Variants in ASTN2 observed in about 807,000 individuals in gnomAD.
The protein encoded by ASTN2 is astrotactin 2.
Under a neutral mutation model 139.8 loss-of-function variants are expected in ASTN2, and 54 were observed. The observed-to-expected ratio is 0.39, with a 90% CI of 0.31 to 0.48. ASTN2 has a LOEUF of 0.48. ASTN2 is among the 20% of genes least tolerant of loss of function. ASTN2 has a pLI of 0.95. For missense variants in ASTN2, 1,565 were observed against 1,725.1 expected (o/e 0.91, Z 1.64); for synonymous variants, 756 against 719.5 (o/e 1.05, Z -0.81).
intron 13 of ASTN2, among the ~76,000 whole-genome samples, chr9:116,765,671 C>G (rs1259824188): frequency 3.3e-5 from 5 of 151,848 alleles, no homozygotes; most frequent in Non-Finnish European, 7.4e-5. Context: ...GAATACTGTA[C>G]AGGCATTAAA....
At position 116,632,128 on chromosome 9, in the gene ASTN2, A is replaced by AAGAGAGAGAGAGAGAG. The variant is rs145360209; in HGVS notation, c.3073-11701_3073-11686dup. The stretch of plus-strand genomic sequence containing the variant: ...ACTGTGTCAAAAGAAAAAGAAAAAG[A>AAGAGAGAGAGAGAGAG]AGAGAGAGAGAGAGAGAGAGAGAGA... On this transcript the variant is annotated intron_variant, in intron 17 of 22. Coordinates refer to ENST00000313400, the MANE Select transcript of ASTN2 (RefSeq NM_001365068.1). Among the ~76,000 whole-genome samples the AAGAGAGAGAGAGAGAG allele has an allele frequency of 2.2e-3, 105 of 47,728 alleles. 1 individual carries two copies. In the East Asian group the frequency reaches 0.025, roughly 11 times the overall value. 31.3% of individuals were successfully genotyped at this position (47,728 alleles called of 152,430 possible).
In ASTN2 at chr9:116,866,761, C is replaced by T. The variant is rs111529918; in HGVS notation, c.1890-3028G>A. Among the ~76,000 whole-genome samples, 298 of 151,998 alleles carry T rather than the reference C, an allele frequency of 2.0e-3. 1 individual carries two copies. Among genetic ancestry groups the T allele is most frequent in the South Asian group, 5.6e-3 (27 of 4,798 alleles). On this transcript the variant is annotated intron_variant, in intron 10 of 22. Coordinates refer to ENST00000313400, the MANE Select transcript of ASTN2 (RefSeq NM_001365068.1). ...AACAATATAGTAGCCAGGTGTGGGG[C>T]ATGCTCCTGTAATCCCAGTTACTCG... is the stretch of plus-strand genomic sequence containing the variant.
rs140752616 is a variant in ASTN2, at chr9:117,243,743, C to T, written c.631-29001G>A. ...TATTTCCAACTAAAATTCTTAACCC[C>T]GCCACCCCTCCCCATGATGTACAGG... On this transcript the variant is annotated intron_variant, in intron 2 of 22. Coordinates refer to ENST00000313400, the MANE Select transcript of ASTN2 (RefSeq NM_001365068.1). Among the ~76,000 whole-genome samples, 1,107 of 152,234 alleles carry T rather than the reference C, an allele frequency of 7.3e-3. 9 individuals are homozygous for T. Among genetic ancestry groups the T allele is most frequent in the African/African-American group, 0.023 (941 of 41,548 alleles).
chr9:116,478,232 G>GGGGA (rs1204435176), intron 20 of ASTN2, among the ~76,000 whole-genome samples: 16 of 103,518 alleles, frequency 1.5e-4, no homozygotes, highest in South Asian at 1.0e-3. Context: ...GGGAGTAAGG[G>GGGGA]GGGAGGGAGG....
intron 16 of ASTN2, among the ~76,000 whole-genome samples, chr9:116,662,601 A>G (rs1858629100): frequency 6.6e-6 from 1 of 152,154 alleles, no homozygotes; most frequent in Non-Finnish European, 1.5e-5. Context: ...ATGTAGGGTC[A>G]TGCCAGACAC....
intron 3 of ASTN2, among the ~76,000 whole-genome samples, chr9:117,190,288 AT>A (rs1831311197): frequency 6.6e-6 from 1 of 152,212 alleles, no homozygotes; most frequent in Non-Finnish European, 1.5e-5. Flanking sequence ...GAATTCAAAA[AT>A]ATACCCTGTA....
At chr9:117,343,706 A>T (rs988678121) in intron 1 of ASTN2, among the ~76,000 whole-genome samples, 1 of 152,142 alleles carries the variant, frequency 6.6e-6, no homozygotes, top group Non-Finnish European at 1.5e-5. Flanking sequence ...CTCCACCCAC[A>T]TATATAGTTC....
At chr9:117,134,163 T>C (rs1335032600) in intron 4 of ASTN2, among the ~76,000 whole-genome samples, 2 of 151,674 alleles carry the variant, frequency 1.3e-5, no homozygotes, top group Non-Finnish European at 1.5e-5. Flanking sequence ...CTGTTCAATA[T>C]TTAAGCAGAG....
Position 116,425,591 on chromosome 9 carries a change from T to A in ASTN2, c.*260A>T. On this transcript the variant is annotated 3_prime_UTR_variant, in exon 23 of 23. Coordinates refer to ENST00000313400, the MANE Select transcript of ASTN2 (RefSeq NM_001365068.1). ...TGACAGCCATCCATAAGAAAAGGTTTAAAAAGGAGAGACTTTTGATAGAGT... is the reference window on the plus strand; with the variant it reads ...TGACAGCCATCCATAAGAAAAGGTTAAAAAAGGAGAGACTTTTGATAGAGT... The A allele has an allele frequency of 6.2e-7, 1 of 1,613,308 alleles. No individual in the cohort carries two copies. Among genetic ancestry groups the A allele is most frequent in the Non-Finnish European group, 8.5e-7 (1 of 1,179,830 alleles).
chr9:116,508,686 G>A (rs1850222380), intron 19 of ASTN2, among the ~76,000 whole-genome samples: 1 of 152,094 alleles, frequency 6.6e-6, no homozygotes, highest in Admixed American at 6.6e-5. Flanking sequence ...AGAGAGGGGA[G>A]GTGATTTGTC....
At chr9:116,467,137 T>C (rs1848670031) in intron 20 of ASTN2, among the ~76,000 whole-genome samples, 1 of 152,090 alleles carries the variant, frequency 6.6e-6, no homozygotes, top group Admixed American at 6.6e-5. Context: ...CTTTCTGAGA[T>C]TAAAAGCATG....
intron 13 of ASTN2, among the ~76,000 whole-genome samples, chr9:116,748,432 G>T (rs1199406078): frequency 6.6e-6 from 1 of 152,180 alleles, no homozygotes. Flanking sequence ...GGGTCTAGCT[G>T]CTTACTTTAT....
chr9:117,138,694 T>C lies in ASTN2; in HGVS notation c.1168+2632A>G, dbSNP rs909698353. On this transcript the variant is annotated intron_variant, in intron 4 of 22. Transcript: ENST00000313400. ...AGTTAATAAATGACAGTGGTCATGA[T>C]GGTGACAAAGAGGAAGGACAGATAT... Among the ~76,000 whole-genome samples, 4 of 152,208 alleles carry C rather than the reference T, an allele frequency of 2.6e-5. No individual in the cohort carries two copies. In the East Asian group the frequency reaches 5.8e-4, roughly 22 times the overall value.
At chr9:116,736,475 C>T (rs774289027) in intron 13 of ASTN2, among the ~76,000 whole-genome samples, 1 of 152,148 alleles carries the variant, frequency 6.6e-6, no homozygotes, top group Non-Finnish European at 1.5e-5. Flanking sequence ...GCCTGTGACA[C>T]ACACAGACTG....
chr9:117,124,808 GA>G (rs56107557), intron 4 of ASTN2, among the ~76,000 whole-genome samples: 45,475 of 129,918 alleles, frequency 0.35, 7,954 homozygotes, highest in Middle Eastern at 0.54. Context: ...CTGCCACCAT[GA>G]AAAAAAAAAA....
At chr9:116,580,534 C>T (rs535409117) in intron 19 of ASTN2, among the ~76,000 whole-genome samples, 1 of 152,292 alleles carries the variant, frequency 6.6e-6, no homozygotes, top group Non-Finnish European at 1.5e-5. Flanking sequence ...GTGTTCTAAA[C>T]CTGTGCTTTG....
intron 3 of ASTN2, among the ~76,000 whole-genome samples, chr9:117,153,933 A>T (rs376293936): frequency 6.6e-6 from 1 of 152,248 alleles, no homozygotes. Context: ...CATTGTGACA[A>T]GAGTATATTA....
At chr9:116,430,615 TCA>T (rs1323654963) in intron 22 of ASTN2, among the ~76,000 whole-genome samples, 2 of 152,236 alleles carry the variant, frequency 1.3e-5, no homozygotes, top group African/African-American at 4.8e-5. Flanking sequence ...TCCCTAAGCC[TCA>T]GTTTTCTCCT....
chr9:116,971,687 G>A (rs926322069), intron 10 of ASTN2, among the ~76,000 whole-genome samples: 7 of 152,084 alleles, frequency 4.6e-5, no homozygotes, highest in African/African-American at 1.7e-4. Context: ...GCCTTTCAGC[G>A]AAAACATGAG....
Sources: allele counts gnomAD v4.1 joint callset (sites outside exome capture counted in the v4.1 genomes callset), GRCh38; gene constraint gnomAD v4.1.1; transcripts MANE v1.5; gene names NCBI Gene and HGNC (gene_info 2026-07-23, HGNC 2026-07-21).